Variants in PRSS58 observed in about 807,000 individuals in gnomAD.
PRSS58 encodes the protein protease, serine 58.
In PRSS58, 31 loss-of-function variants were observed where a neutral mutation model predicts 25.0. The observed-to-expected ratio is 1.24, with a 90% CI of 0.93 to 1.67. The LOEUF (loss-of-function observed/expected upper bound fraction) is 1.67, where lower values mean the gene tolerates loss of function less well. Among genes scored for constraint, PRSS58 ranks in the 40% most tolerant of loss-of-function variants. The pLI is 0.00. For missense variants in PRSS58, 324 were observed against 287.9 expected, an observed-to-expected ratio of 1.13 and a Z score of -0.91; for synonymous variants, 119 against 106.1, an observed-to-expected ratio of 1.12 and a Z score of -0.75.
intron 1 of PRSS58, 77 bp from the exon 2 acceptor site, chr7:142,257,825 T>C: frequency 1.2e-6 from 1 of 813,572 alleles, no homozygotes; most frequent in Non-Finnish European, 2.1e-6. Context: ...ATCTGAATTA[T>C]TTTAGTAGCA....
At chr7:142,255,966 G>A (rs560960362) in intron 2 of PRSS58, among the ~76,000 whole-genome samples, 40 of 152,156 alleles carry the variant, frequency 2.6e-4, no homozygotes, top group African/African-American at 8.4e-4. Flanking sequence ...CTAAATCAAC[G>A]AATTTTTTTC....
At position 142,257,685 on chromosome 7, in the gene PRSS58, G is replaced by A; in HGVS notation, c.23C>T (p.Ala8Val). 1.2e-6 allele frequency: 2 copies of A among 1,613,106 alleles called. No individual in the cohort carries two copies. The highest frequency in any genetic ancestry group is 1.1e-5 in the South Asian group (1 of 91,004). Residue 8 changes from alanine to valine, a missense_variant, in exon 2 of 6, where the codon GCT (alanine) becomes GTT (valine). Transcript: ENST00000547058. MKFILLWALLNLTVALAF... is the reference protein window; with the variant it reads MKFILLWVLLNLTVALAF... Reference sequence around the variant, plus strand: ...ACACTCACCAGTCAGATTCAAGAGAGCCCAGAGGAGGATAAACTTCATGAT... The same window carrying A: ...ACACTCACCAGTCAGATTCAAGAGAACCCAGAGGAGGATAAACTTCATGAT...
At chr7:142,254,257 G>A (rs1019628651) in intron 4 of PRSS58, among the ~76,000 whole-genome samples, 22 of 152,170 alleles carry the variant, frequency 1.4e-4, no homozygotes, top group Non-Finnish European at 2.1e-4. Context: ...CTCAACTCTC[G>A]TAATTAGCAA....
At chr7:142,255,394 G>A in intron 3 of PRSS58, 83 bp from the exon 4 acceptor site, 1 of 1,576,840 alleles carries the variant, frequency 6.3e-7, no homozygotes, top group South Asian at 1.1e-5. Context: ...CCTCCCCACA[G>A]ACCTTTTTCT....
rs763044533 is a variant in PRSS58 at position 142,255,606 on chromosome 7, A to G, written c.108T>C (p.Ser36=). 2 of 1,614,102 alleles carry G rather than the reference A, an allele frequency of 1.2e-6. No homozygotes were observed. Among genetic ancestry groups the G allele is most frequent in the Non-Finnish European group, 1.7e-6 (2 of 1,179,954 alleles). Residue 36 remains serine, a synonymous_variant, in exon 3 of 6, where the codon TCT becomes TCC. Transcript: ENST00000547058. ...GGACTCCAGCGCAGGGCAAGTAGTC[A>G]GATTTCAAATAGACCAAGTAAGGGG... ...STPPYLVYLK[S]DYLPCAGVLI...
chr7:142,254,387 C>T (rs983538), intron 4 of PRSS58, among the ~76,000 whole-genome samples: 27,652 of 151,922 alleles, frequency 0.18, 3,378 homozygotes, highest in African/African-American at 0.34. Context: ...GAATATGAAA[C>T]ATGAGGCCTA....
chr7:142,254,969 T>A (rs1042633498), intron 4 of PRSS58, 86 bp downstream of exon 4: 1 of 1,333,076 alleles, frequency 7.5e-7, no homozygotes, highest in East Asian at 2.3e-5. Flanking sequence ...GAAGAAAGCT[T>A]CACTAGGCCG....
intron 4 of PRSS58, among the ~76,000 whole-genome samples, chr7:142,253,527 C>A (rs71545354): frequency 2.6e-5 from 4 of 152,138 alleles, no homozygotes; most frequent in Non-Finnish European, 4.4e-5. Context: ...AGTATGAACA[C>A]ATGTGGCACG....
chr7:142,255,466 CA>C, intron 3 of PRSS58, 68 bp downstream of exon 3: 12 of 1,605,254 alleles, frequency 7.5e-6, no homozygotes, highest in Non-Finnish European at 1.0e-5. Flanking sequence ...TGGTCTCAGA[CA>C]GGGGTGAGAG....
chr7:142,254,614 T>C (rs1798522191), intron 4 of PRSS58, among the ~76,000 whole-genome samples: 1 of 152,202 alleles, frequency 6.6e-6, no homozygotes, highest in African/African-American at 2.4e-5. Flanking sequence ...CTATCGCATT[T>C]AGTAAAATAT....
Position 142,252,517 on chromosome 7 carries a change from A to G in PRSS58, c.531T>C (p.Asn177=), listed in dbSNP as rs761585668. 8.1e-6 allele frequency: 13 copies of G among 1,614,014 alleles called. No individual in the cohort carries two copies. The highest frequency in any genetic ancestry group is 1.0e-5 in the Non-Finnish European group (12 of 1,180,014). The change falls in exon 5 of 6, where the codon AAT becomes AAC. Residue 177 remains asparagine, a synonymous_variant. Transcript: ENST00000547058. ...CTGGCACAATGCCCACACACAGCAT[A>G]TTTTCCGTGATGTTGTAGGTTTTAT... ...DAYKTYNITE[N]MLCVGIVPGR...
In PRSS58 at chr7:142,252,530, T is replaced by A. The variant is rs200497385; in HGVS notation, c.518A>T (p.Asn173Ile). Residue 173 changes from asparagine to isoleucine, a missense_variant, in exon 5 of 6, where the codon AAC becomes ATC. Transcript: ENST00000547058. ...CACACACAGCATATTTTCCGTGATG[T>A]TGTAGGTTTTATAGGCATCGCGACA... ...PQCRDAYKTY[N>I]ITENMLCVGI... 5.8e-5 allele frequency: 94 copies of A among 1,614,020 alleles called. No individual in the cohort carries two copies. Among genetic ancestry groups the A allele is most frequent in the Non-Finnish European group, 7.6e-5 (90 of 1,180,022 alleles).
chr7:142,257,802 G>A, intron 1 of PRSS58, 54 bp from the exon 2 acceptor site: 2 of 972,156 alleles, frequency 2.1e-6, no homozygotes, highest in South Asian at 2.8e-5. Flanking sequence ...TTGTAGAATT[G>A]GAAAAATATA....
chr7:142,254,601 G>C (rs769601616), intron 4 of PRSS58, among the ~76,000 whole-genome samples: 1 of 152,080 alleles, frequency 6.6e-6, no homozygotes, highest in Non-Finnish European at 1.5e-5. Context: ...ACATAAGGAA[G>C]TTCTATCGCA....
At chr7:142,254,101 T>G (rs958438101) in intron 4 of PRSS58, among the ~76,000 whole-genome samples, 2 of 152,160 alleles carry the variant, frequency 1.3e-5, no homozygotes, top group African/African-American at 4.8e-5. Flanking sequence ...AAATCTCCTT[T>G]TCATACTATG....
rs370936016 is a variant in PRSS58, at chr7:142,255,658, T to G, written c.56A>C (p.Asn19Thr). The G allele has an allele frequency of 4.2e-5, 67 of 1,610,522 alleles. No homozygotes were observed. The African/African-American group carries it at 9.0e-4, about 22-fold the overall frequency. ...LLNLTVALAF[N>T]PDYTVSSTPP... Reference sequence around the variant, plus strand: ...AGTGGAGCTGACTGTGTAATCTGGATTAAAGGCCAAAGCAACTGGAAAGAG... The same window carrying G: ...AGTGGAGCTGACTGTGTAATCTGGAGTAAAGGCCAAAGCAACTGGAAAGAG... Residue 19 changes from asparagine (N) to threonine (T), a missense_variant, in exon 3 of 6, where the codon AAT becomes ACT. Physicochemically the swap from Asn to Thr is moderately conservative, Grantham distance 65. Transcript: ENST00000547058.
Position 142,252,461 on chromosome 7 carries a change from G to C in PRSS58, c.576+11C>G, listed in dbSNP as rs1798484197. The stretch of plus-strand genomic sequence containing the variant: ...GAAAATGGGAAAATTAATGGATGAA[G>C]AGTATTTTACCTTGCAGGGCTGCCT... On this transcript the variant is annotated intron_variant, in intron 5 of 5. Coordinates refer to ENST00000547058, the MANE Select transcript of PRSS58 (RefSeq NM_001001317.5). 5 of 1,612,594 alleles carry C rather than the reference G, an allele frequency of 3.1e-6. No individual in the cohort carries two copies. In the Middle Eastern group the frequency reaches 5.0e-4, roughly 160 times the overall value.
intron 2 of PRSS58, among the ~76,000 whole-genome samples, chr7:142,257,334 A>G (rs1798574493): frequency 6.6e-6 from 1 of 152,174 alleles, no homozygotes; most frequent in Admixed American, 6.6e-5. Flanking sequence ...GAACTGTGCC[A>G]GGAGATATCT....
chr7:142,255,980 A>G (rs1298374080), intron 2 of PRSS58, among the ~76,000 whole-genome samples: 5 of 152,058 alleles, frequency 3.3e-5, no homozygotes, highest in African/African-American at 4.8e-5. Flanking sequence ...TTTTTTCACT[A>G]TTTTTACCAA....
Sources: allele counts gnomAD v4.1 joint callset (sites outside exome capture counted in the v4.1 genomes callset), GRCh38; gene constraint gnomAD v4.1.1; transcripts MANE v1.5; gene names NCBI Gene and HGNC (gene_info 2026-07-23, HGNC 2026-07-21).